Variants in SLC24A3 observed in about 807,000 individuals in gnomAD.
SLC24A3 encodes solute carrier family 24 member 3.
SLC24A3 carries 28 observed loss-of-function variants against 75.8 expected under a neutral mutation model. The observed-to-expected ratio is 0.37, with a 90% confidence interval of 0.27 to 0.51. The LOEUF (loss-of-function observed/expected upper bound fraction) is 0.51, where lower values mean the gene tolerates loss of function less well. SLC24A3 is among the 20% of genes least tolerant of loss of function. SLC24A3 has a pLI of 0.94. For synonymous variants in SLC24A3, 372 were observed against 334.1 expected (o/e 1.11, Z -1.24); for missense variants, 663 against 847.8 (o/e 0.78, Z 2.71).
intron 1 of SLC24A3, among the ~76,000 whole-genome samples, chr20:19,235,183 G>A (rs918524626): frequency 6.6e-6 from 1 of 152,210 alleles, no homozygotes; most frequent in South Asian, 2.1e-4. Context: ...TTGTTTGAGT[G>A]GGACTGAGAC....
intron 2 of SLC24A3, among the ~76,000 whole-genome samples, chr20:19,371,365 A>G (rs1210437902): frequency 2.1e-5 from 2 of 94,848 alleles, no homozygotes; most frequent in Non-Finnish European, 3.7e-5. Flanking sequence ...TCTGGGGATC[A>G]CCGAGCAGTC....
chr20:19,356,587 T>A (rs1004353022), intron 2 of SLC24A3, among the ~76,000 whole-genome samples: 1 of 152,214 alleles, frequency 6.6e-6, no homozygotes. Flanking sequence ...CTAGCTATTT[T>A]GTTGTTGATT....
At chr20:19,473,440 T>C (rs1987907612) in intron 2 of SLC24A3, among the ~76,000 whole-genome samples, 1 of 152,222 alleles carries the variant, frequency 6.6e-6, no homozygotes, top group South Asian at 2.1e-4. Flanking sequence ...GTAGTGGTGG[T>C]GGCGGTGGTA....
chr20:19,452,468 A>AT (rs1987503538), intron 2 of SLC24A3, among the ~76,000 whole-genome samples: 1 of 130,348 alleles, frequency 7.7e-6, no homozygotes, highest in South Asian at 2.5e-4. Context: ...TAGAGAAAGG[A>AT]AGGGAGAATG....
intron 2 of SLC24A3, among the ~76,000 whole-genome samples, chr20:19,512,019 G>T (rs2029893956): frequency 6.6e-6 from 1 of 152,178 alleles, no homozygotes; most frequent in Non-Finnish European, 1.5e-5. Context: ...CGGTGAGGAG[G>T]CCCACAGTGC....
Position 19,721,020 on chromosome 20 carries a change from G to A in SLC24A3, c.1815G>A (p.Gln605=). 6.2e-7 allele frequency: 1 copy of A among 1,614,006 alleles called. No homozygotes were observed. The highest frequency in any genetic ancestry group is 2.2e-5 in the East Asian group (1 of 44,860). ...TCGGCGTCCACCTGAACAAGTGGCA[G>A]CTGGACAAGAAGCTGGGCTGTGGGT... ...TVFGVHLNKW[Q]LDKKLGCGCL... Residue 605 remains glutamine, a synonymous_variant, in exon 17 of 17, where the codon CAG becomes CAA. Transcript: ENST00000328041.
intron 2 of SLC24A3, among the ~76,000 whole-genome samples, chr20:19,392,883 C>T (rs1363330089): frequency 6.6e-6 from 1 of 152,162 alleles, no homozygotes; most frequent in Non-Finnish European, 1.5e-5. Context: ...ATTGAGTGAG[C>T]CTTTCCCTTC....
At chr20:19,636,206 T>C (rs2032001305) in intron 6 of SLC24A3, among the ~76,000 whole-genome samples, 1 of 152,176 alleles carries the variant, frequency 6.6e-6, no homozygotes, top group Non-Finnish European at 1.5e-5. Flanking sequence ...TCAAGAGTGA[T>C]GTAACACCAT....
chr20:19,477,795 T>A (rs146052945), intron 2 of SLC24A3, among the ~76,000 whole-genome samples: 2 of 152,228 alleles, frequency 1.3e-5, no homozygotes, highest in Admixed American at 1.3e-4. Flanking sequence ...GAATATAGTA[T>A]ACACTGTACC....
At chr20:19,364,665 G>T (rs1985853147) in intron 2 of SLC24A3, among the ~76,000 whole-genome samples, 1 of 152,094 alleles carries the variant, frequency 6.6e-6, no homozygotes, top group Non-Finnish European at 1.5e-5. Flanking sequence ...ATGTTGCCCA[G>T]GCTGGTCTCA....
chr20:19,665,092 C>G (rs756452164), intron 7 of SLC24A3, among the ~76,000 whole-genome samples: 1 of 152,144 alleles, frequency 6.6e-6, no homozygotes, highest in Non-Finnish European at 1.5e-5. Context: ...TAAATCCTGC[C>G]GTGTATTCTC....
At chr20:19,437,801 C>A (rs1987231951) in intron 2 of SLC24A3, among the ~76,000 whole-genome samples, 1 of 152,166 alleles carries the variant, frequency 6.6e-6, no homozygotes, top group African/African-American at 2.4e-5. Flanking sequence ...GCGTTCTGAT[C>A]CTGTCTCCAT....
chr20:19,502,128 T>C (rs1005340051), intron 2 of SLC24A3, among the ~76,000 whole-genome samples: 11 of 151,900 alleles, frequency 7.2e-5, no homozygotes, highest in Non-Finnish European at 1.5e-4. Flanking sequence ...CTCTGAAACC[T>C]CCCCAAGGTG....
chr20:19,638,709 C>T (rs2032029961), intron 6 of SLC24A3, among the ~76,000 whole-genome samples: 1 of 152,148 alleles, frequency 6.6e-6, no homozygotes, highest in African/African-American at 2.4e-5. Context: ...TAATTAATAG[C>T]TTGCTCAAGG....
At chr20:19,397,789 A>G (rs1485148652) in intron 2 of SLC24A3, among the ~76,000 whole-genome samples, 1 of 151,832 alleles carries the variant, frequency 6.6e-6, no homozygotes, top group African/African-American at 2.4e-5. Flanking sequence ...CATAATTTGG[A>G]ACTATTGTTA....
At chr20:19,711,452 GCACA>G (rs1327807908) in intron 15 of SLC24A3, among the ~76,000 whole-genome samples, 4 of 148,868 alleles carry the variant, frequency 2.7e-5, no homozygotes, top group South Asian at 2.1e-4. Context: ...GCAAACGCGT[GCACA>G]CACACACATG....
intron 2 of SLC24A3, among the ~76,000 whole-genome samples, chr20:19,402,291 G>T (rs934595716): frequency 2.0e-5 from 3 of 152,166 alleles, no homozygotes; most frequent in African/African-American, 7.2e-5. Flanking sequence ...AAGCAGATTT[G>T]CTTAGATTTT....
At chr20:19,541,289 A>T (rs1440305058) in intron 3 of SLC24A3, among the ~76,000 whole-genome samples, 1 of 152,186 alleles carries the variant, frequency 6.6e-6, no homozygotes, top group East Asian at 1.9e-4. Flanking sequence ...TCTCTGGAAG[A>T]TGTTGGAGCT....
At chr20:19,520,624 A>G (rs997646489) in intron 3 of SLC24A3, among the ~76,000 whole-genome samples, 5 of 152,148 alleles carry the variant, frequency 3.3e-5, no homozygotes, top group Admixed American at 3.3e-4. Flanking sequence ...CTACAAGTGG[A>G]GGTTCTCCAA....
Sources: gnomAD v4.1 joint callset for allele counts (sites outside exome capture counted in the v4.1 genomes callset) on GRCh38, gnomAD v4.1.1 for gene constraint, MANE v1.5 for transcripts, NCBI Gene and HGNC (gene_info 2026-07-23, HGNC 2026-07-21) for gene names.